MMP17: variants seen among roughly 807,000 people sequenced by gnomAD.
The protein encoded by MMP17 is matrix metallopeptidase 17.
MMP17 carries 54 observed loss-of-function variants against 49.1 expected under a neutral mutation model. The ratio of observed to expected loss-of-function variants is 1.10; its 90% CI spans 0.88 to 1.38. The LOEUF (loss-of-function observed/expected upper bound fraction) is 1.38, where lower values mean the gene tolerates loss of function less well. Ranked by LOEUF, MMP17 falls within the 40% of genes most tolerant of loss-of-function variation. The probability of loss-of-function intolerance (pLI) is 0.00; values close to 1 mark genes in which losing one functional copy is unlikely to be tolerated. For missense variants in MMP17, 837 were observed against 853.7 expected, an observed-to-expected ratio of 0.98 and a Z score of 0.24; for synonymous variants, 397 against 383.1, an observed-to-expected ratio of 1.04 and a Z score of -0.42.
Position 131,851,343 on chromosome 12 carries a change from C to CCG in MMP17, c.*70_*71dup. ...CTGGCCACAGAGGGCAAGGACTGTGCCGGAGTCCCTGGGGGAGGTGCTGGC... is the reference window on the plus strand; with the variant it reads ...CTGGCCACAGAGGGCAAGGACTGTGCCGCGGAGTCCCTGGGGGAGGTGCTGGC... On this transcript the variant is annotated 3_prime_UTR_variant, in exon 10 of 10. Transcript: ENST00000360564. 4 of 1,289,518 alleles carry CCG rather than the reference C, an allele frequency of 3.1e-6. No homozygotes were observed. Among genetic ancestry groups the CCG allele is most frequent in the Non-Finnish European group, 4.0e-6 (4 of 1,006,190 alleles). 79.9% of individuals were successfully genotyped at this position (1,289,518 alleles called of 1,614,324 possible).
intron 8 of MMP17, among the ~76,000 whole-genome samples, chr12:131,849,365 T>G (rs1408067071): frequency 2.6e-5 from 4 of 152,056 alleles, no homozygotes. Context: ...GCGCCTGTAA[T>G]CCCAGCTACG....
Position 131,838,255 on chromosome 12 carries a change from A to G in MMP17, c.220A>G (p.Thr74Ala), listed in dbSNP as rs1481724097. ...TGACCCCACAACAGGGCAGCTGCAG[A>G]CGCAAGAGGAGCTGTCTAAGGCCAT... ...PADPTTGQLQ[T>A]QEELSKAITA... The change falls in exon 2 of 10, where the codon ACG becomes GCG. Residue 74 changes from threonine to alanine, a missense_variant. Thr to Ala is a moderately conservative substitution (Grantham distance 58). Transcript: ENST00000360564. 6.2e-6 allele frequency: 10 copies of G among 1,613,124 alleles called. No homozygotes were observed. Among genetic ancestry groups the G allele is most frequent in the African/African-American group, 1.3e-5 (1 of 74,928 alleles).
intron 5 of MMP17, among the ~76,000 whole-genome samples, chr12:131,842,419 G>A (rs143604309): frequency 1.1e-3 from 163 of 152,282 alleles, no homozygotes; most frequent in Non-Finnish European, 1.7e-3. Flanking sequence ...CGTCCTTGCC[G>A]CTTCACATGC....
At chr12:131,845,785 T>C (rs1412087475) in intron 8 of MMP17, among the ~76,000 whole-genome samples, 1 of 151,910 alleles carries the variant, frequency 6.6e-6, no homozygotes, top group East Asian at 1.9e-4. Flanking sequence ...GAGGTCTCCT[T>C]AGGGAGATGC....
In MMP17 at chr12:131,851,563, G is replaced by A. The variant is rs1887975592; in HGVS notation, c.*289G>A. The A allele has an allele frequency of 2.7e-6, 1 of 363,644 alleles. No homozygotes were observed. Among genetic ancestry groups the A allele is most frequent in the Non-Finnish European group, 4.9e-6 (1 of 203,384 alleles). 22.5% of individuals were successfully genotyped at this position (363,644 alleles called of 1,614,324 possible). A position where few individuals can be genotyped will look rare whatever the true frequency, so the allele number is the denominator to read the frequency against. On this transcript the variant is annotated 3_prime_UTR_variant, in exon 10 of 10. Transcript: ENST00000360564. ...GCCGCCAGCCTCCTCCGGCCCTGGA[G>A]GGAGCATCTCGGGCTGGGGGCCCAC...
intron 3 of MMP17, among the ~76,000 whole-genome samples, chr12:131,839,325 T>TC (rs1025637366): frequency 6.6e-6 from 1 of 151,910 alleles, no homozygotes; most frequent in Non-Finnish European, 1.5e-5. Flanking sequence ...TTCTTTTTTT[T>TC]TTTTTGAGAC....
intron 1 of MMP17, among the ~76,000 whole-genome samples, chr12:131,835,684 C>A (rs1186830533): frequency 2.6e-5 from 4 of 152,224 alleles, no homozygotes; most frequent in Non-Finnish European, 5.9e-5. Context: ...GGAAAGGCAC[C>A]TGCCTGTGTG....
Position 131,849,879 on chromosome 12 carries a change from C to G in MMP17, c.1282C>G (p.Pro428Ala), listed in dbSNP as rs780987917. The change falls in exon 9 of 10, where the codon CCT becomes GCT. Residue 428 changes from proline (P) to alanine (A), a missense_variant. Physicochemically the swap from Pro to Ala is conservative, Grantham distance 27. Coordinates refer to ENST00000360564, the MANE Select transcript of MMP17 (RefSeq NM_016155.7). ...PRPVSDFSLP[P>A]GGIDAAFSWA... ...CCCCGTCTCCGACTTCAGCCTCCCG[C>G]CTGGCGGCATCGACGCTGCCTTCTC... 3.7e-6 allele frequency: 6 copies of G among 1,614,068 alleles called. No individual in the cohort carries two copies. The highest frequency in any genetic ancestry group is 5.1e-6 in the Non-Finnish European group (6 of 1,180,028).
chr12:131,843,749 T>C (rs1486023031), intron 5 of MMP17, among the ~76,000 whole-genome samples: 2 of 152,226 alleles, frequency 1.3e-5, no homozygotes, highest in South Asian at 2.1e-4. Flanking sequence ...TTCAGCTCTT[T>C]AGGGTGTACC....
At chr12:131,849,204 C>T (rs1286713043) in intron 8 of MMP17, among the ~76,000 whole-genome samples, 3 of 152,216 alleles carry the variant, frequency 2.0e-5, no homozygotes, top group Non-Finnish European at 4.4e-5. Context: ...GTATTTAACG[C>T]AGGGCACGGT....
intron 1 of MMP17, among the ~76,000 whole-genome samples, chr12:131,837,465 C>T (rs954188703): frequency 6.6e-6 from 1 of 152,192 alleles, no homozygotes; most frequent in Non-Finnish European, 1.5e-5. Flanking sequence ...ACAGCATGGC[C>T]CAATTCCTTA....
chr12:131,839,207 G>A (rs973307261), intron 3 of MMP17, among the ~76,000 whole-genome samples: 20 of 152,282 alleles, frequency 1.3e-4, no homozygotes, highest in East Asian at 7.7e-4. Flanking sequence ...TGCCCTGTCC[G>A]CGCGCAGCCT....
chr12:131,841,253 G>C (rs895591140), intron 4 of MMP17, among the ~76,000 whole-genome samples: 39 of 152,248 alleles, frequency 2.6e-4, no homozygotes, highest in Non-Finnish European at 8.8e-5. Context: ...GCAGTCCTGG[G>C]AGCCCAGGCC....
chr12:131,838,534 C>T (rs1887202546), intron 2 of MMP17, 78 bp from the exon 3 acceptor site: 1 of 1,524,832 alleles, frequency 6.6e-7, no homozygotes, highest in East Asian at 2.3e-5. Flanking sequence ...AGTCAGGGCT[C>T]CCACCCTTGC....
intron 3 of MMP17, chr12:131,839,974 G>C (rs867162893): frequency 6.6e-6 from 1 of 152,136 alleles, no homozygotes; most frequent in Non-Finnish European, 1.5e-5. Flanking sequence ...AAATAGTAAA[G>C]ACAGGGTTTT....
chr12:131,841,942 C>T, intron 5 of MMP17, 142 bp downstream of exon 5: 1 of 952,744 alleles, frequency 1.0e-6, no homozygotes, highest in South Asian at 1.7e-5. Flanking sequence ...CTGGGACGCT[C>T]TGGCCTGTCC....
chr12:131,845,002 G>T, intron 6 of MMP17, 116 bp from the exon 7 acceptor site: 1 of 1,026,514 alleles, frequency 9.7e-7, no homozygotes, highest in Non-Finnish European at 1.5e-6. Flanking sequence ...CAAGGATAGG[G>T]GCTCCACACA....
Position 131,844,029 on chromosome 12 carries a change from C to A in MMP17, c.916C>A (p.Pro306Thr), listed in dbSNP as rs1887564068. The A allele has an allele frequency of 1.3e-6, 2 of 1,569,306 alleles. No individual in the cohort carries two copies. The highest frequency in any genetic ancestry group is 1.8e-5 in the Admixed American group (1 of 54,804). The change falls in exon 6 of 10, where the codon CCC (proline) becomes ACC (threonine). Residue 306 changes from proline (P) to threonine (T), a missense_variant. By Grantham distance (38) the Pro-to-Thr change is conservative. Transcript: ENST00000360564. Reference sequence around the variant, plus strand: ...GGAGTCTGTGTCTCCCACGGCGCAGCCCGAGGAGCCTCCCCTGCTGCCGGA... The same window carrying A: ...GGAGTCTGTGTCTCCCACGGCGCAGACCGAGGAGCCTCCCCTGCTGCCGGA... ...VRESVSPTAQ[P>T]EEPPLLPEPP... is the part of the protein sequence containing the mutation.
In MMP17 at chr12:131,845,099, C is replaced by G. The variant is rs374949747; in HGVS notation, c.969-19C>G. 1.6e-5 allele frequency: 26 copies of G among 1,598,716 alleles called. No homozygotes were observed. In the African/African-American group the frequency reaches 3.1e-4, roughly 19 times the overall value. On this transcript the variant is annotated intron_variant, in intron 6 of 9. Coordinates refer to ENST00000360564, the MANE Select transcript of MMP17 (RefSeq NM_016155.7). ...TGCCCAGGCCCCGCCTCCCAGCCCA[C>G]CTGGCTCTCTCCCTGCAGGCCCAGG...
Sources: gnomAD v4.1 joint callset for allele counts (sites outside exome capture counted in the v4.1 genomes callset) on GRCh38, gnomAD v4.1.1 for gene constraint, MANE v1.5 for transcripts, NCBI Gene and HGNC (gene_info 2026-07-23, HGNC 2026-07-21) for gene names.